NELFB: variants seen among roughly 807,000 people sequenced by gnomAD.
NELFB encodes the protein negative elongation factor B.
In NELFB, 34 loss-of-function variants were observed where a neutral mutation model predicts 60.2. The ratio of observed to expected loss-of-function variants is 0.56; its 90% CI spans 0.43 to 0.75. The LOEUF is 0.75. NELFB is among the 30% of genes least tolerant of loss of function. The pLI, the probability that NELFB is intolerant of heterozygous loss-of-function variation, is 0.00. For missense variants in NELFB, 770 were observed against 831.6 expected (o/e 0.93, Z 0.91); for synonymous variants, 459 against 382.1 (o/e 1.20, Z -2.35).
intron 5 of NELFB, among the ~76,000 whole-genome samples, chr9:137,263,538 CCT>C (rs1830481913): frequency 6.7e-6 from 1 of 149,234 alleles, no homozygotes; most frequent in African/African-American, 2.5e-5. Flanking sequence ...TGGCTCCTCT[CCT>C]CTCCGTGGGT....
In NELFB at chr9:137,263,031, C is replaced by A. The variant is rs1278132055; in HGVS notation, c.742-6C>A. 4 of 1,609,132 alleles carry A rather than the reference C, an allele frequency of 2.5e-6. No individual in the cohort carries two copies. Among genetic ancestry groups the A allele is most frequent in the Non-Finnish European group, 3.4e-6 (4 of 1,175,966 alleles). ...TCTGGGGGCCTGACAGTGCCTCTTG[C>A]TGCAGGTGGTGCAGCGGCTGACGCG... On this transcript the variant is annotated splice_polypyrimidine_tract_variant and splice_region_variant and intron_variant, in intron 4 of 12. Transcript: ENST00000343053.
rs190491754 is a variant in NELFB, at chr9:137,261,113, C to T, written c.742-1924C>T. Among the ~76,000 whole-genome samples, 547 of 148,444 alleles carry T rather than the reference C, an allele frequency of 3.7e-3. 7 individuals carry two copies. The highest frequency in any genetic ancestry group is 0.012 in the African/African-American group (496 of 40,258). ...ATCCCAGCACTTTGGGAGGCCGAGG[C>T]GGGTGGATCATGAGGTCAGGAGATC... On this transcript the variant is annotated intron_variant, in intron 4 of 12. Coordinates refer to ENST00000343053, the MANE Select transcript of NELFB (RefSeq NM_015456.5).
rs916416911 is a variant in NELFB, at chr9:137,269,791, T to A, written c.1490-2290T>A. Among the ~76,000 whole-genome samples the A allele has an allele frequency of 3.3e-5, 5 of 152,130 alleles. No homozygotes were observed. The highest frequency in any genetic ancestry group is 1.2e-4 in the African/African-American group (5 of 41,416). On this transcript the variant is annotated intron_variant, in intron 10 of 12. Coordinates refer to ENST00000343053, the MANE Select transcript of NELFB (RefSeq NM_015456.5). The surrounding 1 kb of genome is among the most constrained non-coding windows in gnomAD (Gnocchi z 5.3). ...CCTTCCGTGCGCTTCTGTTTCTTTCTCTCATTTGATTGTGGCTAGAAACAG... is the reference window on the plus strand; with the variant it reads ...CCTTCCGTGCGCTTCTGTTTCTTTCACTCATTTGATTGTGGCTAGAAACAG...
chr9:137,264,414 G>A, intron 6 of NELFB, 57 bp downstream of exon 6: 1 of 1,326,562 alleles, frequency 7.5e-7, no homozygotes, highest in Admixed American at 2.1e-5. Flanking sequence ...CATCCGGTCT[G>A]CGCTTGCTGT....
chr9:137,256,424 C>T lies in NELFB; in HGVS notation c.506C>T (p.Pro169Leu). Residue 169 changes from proline to leucine, a missense_variant, in exon 3 of 13, where the codon CCC (proline) becomes CTC (leucine). Physicochemically the swap from Pro to Leu is moderately conservative, Grantham distance 98. Transcript: ENST00000343053. ...GTGATGTGCGTCATGAAGCACCTGC[C>T]CAAGGTAGGGCCCTAACCCTAACCC... 1 of 1,613,308 alleles carries T rather than the reference C, an allele frequency of 6.2e-7. No individual in the cohort carries two copies. Among genetic ancestry groups the T allele is most frequent in the Non-Finnish European group, 8.5e-7 (1 of 1,179,812 alleles).
Position 137,255,537 on chromosome 9 carries a change from GT to G in NELFB, c.173del (p.Val58GlyfsTer7). ...GTTCGCGGGGCTGCAGGACCTGGGC[GT>G]GGCCAACGGCGAGGACCTGAAGGAG... On this transcript the variant is annotated frameshift_variant, in exon 1 of 13. Transcript: ENST00000343053. LOFTEE classifies it high-confidence loss of function. The G allele has an allele frequency of 6.5e-7, 1 of 1,547,778 alleles. No individual in the cohort carries two copies. The highest frequency in any genetic ancestry group is 8.7e-7 in the Non-Finnish European group (1 of 1,146,358).
intron 4 of NELFB, among the ~76,000 whole-genome samples, chr9:137,262,237 A>C (rs560802612): frequency 6.6e-6 from 1 of 152,210 alleles, no homozygotes; most frequent in African/African-American, 2.4e-5. Context: ...AGTTTTCTCT[A>C]AACTCCCCCG....
chr9:137,262,178 C>A (rs1224152006), intron 4 of NELFB, among the ~76,000 whole-genome samples: 2 of 152,134 alleles, frequency 1.3e-5, no homozygotes, highest in African/African-American at 4.8e-5. Flanking sequence ...TGGATAACTG[C>A]GGGCAGGTCT....
rs1588190070 is a variant in NELFB, at chr9:137,269,150, G to A, written c.1489+1804G>A. On this transcript the variant is annotated intron_variant, in intron 10 of 12. Transcript: ENST00000343053. This position sits in a 1 kb window ranked among gnomAD's most constrained non-coding sequence, Gnocchi z 5.3. ...GTGTTTGAGGATGGCGCGTGCATGCGTTTTCCAGCTTTCTTTGTGGAGGAA... is the reference window on the plus strand; with the variant it reads ...GTGTTTGAGGATGGCGCGTGCATGCATTTTCCAGCTTTCTTTGTGGAGGAA... Among the ~76,000 whole-genome samples, 1 of 152,124 alleles carries A rather than the reference G, an allele frequency of 6.6e-6. No individual in the cohort carries two copies. The highest frequency in any genetic ancestry group is 1.5e-5 in the Non-Finnish European group (1 of 68,024).
chr9:137,255,454 C>G lies in NELFB; in HGVS notation c.89C>G (p.Pro30Arg). The G allele has an allele frequency of 6.9e-7, 1 of 1,446,604 alleles. No individual in the cohort carries two copies. Among genetic ancestry groups the G allele is most frequent in the Non-Finnish European group, 9.2e-7 (1 of 1,092,432 alleles). 89.6% of individuals were successfully genotyped at this position (1,446,604 alleles called of 1,614,324 possible). Residue 30 changes from proline (P) to arginine (R), a missense_variant, in exon 1 of 13, where the codon CCG becomes CGG. By Grantham distance (103) the Pro-to-Arg change is moderately radical. Coordinates refer to ENST00000343053, the MANE Select transcript of NELFB (RefSeq NM_015456.5). ...GCTTCTGGGGTGTCTGCGGCGGCGC[C>G]GGGGGAACGGGCTGGGGATGGGGCG...
At chr9:137,261,339 CAAAAAAA>C (rs749817003) in intron 4 of NELFB, among the ~76,000 whole-genome samples, 17 of 65,646 alleles carry the variant, frequency 2.6e-4, no homozygotes, top group African/African-American at 7.4e-4. Flanking sequence ...GACTCGGTTT[CAAAAAAA>C]AAAAAAAAAA....
intron 4 of NELFB, among the ~76,000 whole-genome samples, chr9:137,261,955 C>A (rs1481527372): frequency 6.8e-6 from 1 of 146,238 alleles, no homozygotes; most frequent in Non-Finnish European, 1.5e-5. Context: ...TGACAGGGGG[C>A]CCTTCCCTGC....
At chr9:137,263,903 G>A (rs182917748) in intron 5 of NELFB, among the ~76,000 whole-genome samples, 5 of 152,226 alleles carry the variant, frequency 3.3e-5, no homozygotes, top group Admixed American at 2.6e-4. Flanking sequence ...CCCTTCATAC[G>A]GACCCTCCAG....
At position 137,256,943 on chromosome 9, in the gene NELFB, C is replaced by T. The variant is rs756532401; in HGVS notation, c.630C>T (p.Ser210=). ...AGGCCCTCTTCGGGGACGAGGTTTC[C>T]CCACTCCTGAAGCAGTACATCCTGG... Residue 210 remains serine (S), a synonymous_variant, in exon 4 of 13, where the codon TCC becomes TCT. Coordinates refer to ENST00000343053, the MANE Select transcript of NELFB (RefSeq NM_015456.5). 1 of 1,614,192 alleles carries T rather than the reference C, an allele frequency of 6.2e-7. No individual in the cohort carries two copies. The highest frequency in any genetic ancestry group is 8.5e-7 in the Non-Finnish European group (1 of 1,180,042).
chr9:137,258,698 G>A (rs959466275), intron 4 of NELFB, among the ~76,000 whole-genome samples: 11 of 151,774 alleles, frequency 7.2e-5, no homozygotes, highest in African/African-American at 2.7e-4. Flanking sequence ...CAGGTAATCC[G>A]CCCACCTTGG....
intron 5 of NELFB, 44 bp downstream of exon 5, chr9:137,263,266 G>T: frequency 6.5e-7 from 1 of 1,531,052 alleles, no homozygotes. Context: ...CCTGAAGGTA[G>T]TGCTGCCCTC....
In NELFB at chr9:137,258,592, G is replaced by A. The variant is rs562540278; in HGVS notation, c.741+1538G>A. ...GCCTCTCGAGTAGCTGAGACTACAG[G>A]CGCGCCCCACCATGCCTGGCTAATT... is the stretch of plus-strand genomic sequence containing the variant. On this transcript the variant is annotated intron_variant, in intron 4 of 12. Coordinates refer to ENST00000343053, the MANE Select transcript of NELFB (RefSeq NM_015456.5). Among the ~76,000 whole-genome samples the A allele has an allele frequency of 3.3e-4, 50 of 151,722 alleles. No homozygotes were observed. The South Asian group carries it at 6.5e-3, about 20-fold the overall frequency.
chr9:137,264,188 G>C lies in NELFB; in HGVS notation c.928-57G>C, dbSNP rs929008787. 2.9e-6 allele frequency: 4 copies of C among 1,364,828 alleles called. No individual in the cohort carries two copies. In the African/African-American group the frequency reaches 5.8e-5, roughly 20 times the overall value. 84.5% of individuals were successfully genotyped at this position (1,364,828 alleles called of 1,614,324 possible). ...GGCCTGGAGCTGTGTTTGGGGCCTG[G>C]GTCTCTGGTCATCCTGGGAGGTTTG... is the stretch of plus-strand genomic sequence containing the variant. On this transcript the variant is annotated intron_variant, in intron 5 of 12. Coordinates refer to ENST00000343053, the MANE Select transcript of NELFB (RefSeq NM_015456.5).
chr9:137,263,518 C>T (rs1830481482), intron 5 of NELFB, among the ~76,000 whole-genome samples: 1 of 149,064 alleles, frequency 6.7e-6, no homozygotes, highest in Non-Finnish European at 1.5e-5. Flanking sequence ...CTCCTTCCCC[C>T]TGGCCCTCCT....
Sources: allele counts gnomAD v4.1 joint callset (sites outside exome capture counted in the v4.1 genomes callset), GRCh38; gene constraint gnomAD v4.1.1; non-coding constraint Gnocchi (gnomAD v3.1); transcripts MANE v1.5; gene names NCBI Gene and HGNC (gene_info 2026-07-23, HGNC 2026-07-21).